DNMBP: variants seen among roughly 807,000 people sequenced by gnomAD.
DNMBP encodes the protein dynamin binding protein.
Under a neutral mutation model 150.0 loss-of-function variants are expected in DNMBP, and 87 were observed. The ratio of observed to expected loss-of-function variants is 0.58; its 90% CI spans 0.49 to 0.69. The LOEUF is 0.69. Among genes scored for constraint, DNMBP ranks in the 30% least tolerant of loss-of-function variants. The probability of loss-of-function intolerance (pLI) is 0.00; values close to 1 mark genes in which losing one functional copy is unlikely to be tolerated. For synonymous variants in DNMBP, 711 were observed against 750.4 expected (o/e 0.95, Z 0.86); for missense variants, 1,774 against 1,949.0 (o/e 0.91, Z 1.69).
intron 1 of DNMBP, among the ~76,000 whole-genome samples, chr10:100,004,010 T>C (rs1225247358): frequency 1.3e-5 from 2 of 151,866 alleles, no homozygotes; most frequent in South Asian, 2.1e-4. Context: ...GGCAGGAAGA[T>C]TGCTGGAGCC....
rs145219520 is a variant in DNMBP at position 99,902,506 on chromosome 10, C to T, written c.2555-2440G>A. ...TGTATTTTTAGTAGAGACAGGGTTA[C>T]ACCATGTTGGCCAGGATGGTCTCAA... On this transcript the variant is annotated intron_variant, in intron 6 of 16. Coordinates refer to ENST00000324109, the MANE Select transcript of DNMBP (RefSeq NM_015221.4). 4.3e-3 allele frequency among the ~76,000 whole-genome samples: 647 copies of T among 149,702 alleles called. 7 individuals are homozygous for T. Among genetic ancestry groups the T allele is most frequent in the African/African-American group, 0.015 (609 of 40,838 alleles).
At chr10:99,939,092 G>C (rs2040266193) in intron 4 of DNMBP, among the ~76,000 whole-genome samples, 1 of 151,518 alleles carries the variant, frequency 6.6e-6, no homozygotes, top group South Asian at 2.1e-4. Flanking sequence ...GTAGAAGAAG[G>C]GTAAAGGAAA....
At chr10:99,890,524 G>A (rs2039539798) in intron 11 of DNMBP, among the ~76,000 whole-genome samples, 1 of 152,192 alleles carries the variant, frequency 6.6e-6, no homozygotes, top group Non-Finnish European at 1.5e-5. Flanking sequence ...CAGGTATATA[G>A]TGTCACACTT....
chr10:99,938,121 T>C (rs191676450), intron 4 of DNMBP, among the ~76,000 whole-genome samples: 3 of 152,348 alleles, frequency 2.0e-5, no homozygotes, highest in East Asian at 1.9e-4. Flanking sequence ...TTCTCTGTTA[T>C]GGAAAACAAA....
chr10:99,917,283 G>A lies in DNMBP; in HGVS notation c.2261-8137C>T, dbSNP rs563475595. On this transcript the variant is annotated intron_variant, in intron 4 of 16. Coordinates refer to ENST00000324109, the MANE Select transcript of DNMBP (RefSeq NM_015221.4). ...GAGACAGGAGAATCACCTGAACCTG[G>A]GAGATGGAGGTTGCAGTGAGCTGAG... Among the ~76,000 whole-genome samples, 427 of 152,186 alleles carry A rather than the reference G, an allele frequency of 2.8e-3. 4 individuals are homozygous for A. Among genetic ancestry groups the A allele is most frequent in the South Asian group, 0.015 (71 of 4,810 alleles).
rs1430872019 is a variant in DNMBP, at chr10:100,008,513, C to T, written c.-11+1325G>A. ...ATCTGCAATTTGAAAAGTCACTTTTCACTTATTTTAGCCCAACCCTGATAA... is the reference window on the plus strand; with the variant it reads ...ATCTGCAATTTGAAAAGTCACTTTTTACTTATTTTAGCCCAACCCTGATAA... On this transcript the variant is annotated intron_variant, in intron 1 of 16. Transcript: ENST00000324109. 2.0e-5 allele frequency among the ~76,000 whole-genome samples: 3 copies of T among 152,322 alleles called. No homozygotes were observed. In the East Asian group the frequency reaches 5.8e-4, roughly 29 times the overall value.
Position 99,876,542 on chromosome 10 carries a change from G to A in DNMBP, c.*609C>T, listed in dbSNP as rs970922965. 1 of 152,216 alleles carries A rather than the reference G, an allele frequency of 6.6e-6. No homozygotes were observed. Among genetic ancestry groups the A allele is most frequent in the African/African-American group, 2.4e-5 (1 of 41,456 alleles). 9.4% of individuals were successfully genotyped at this position (152,216 alleles called of 1,614,324 possible). On this transcript the variant is annotated 3_prime_UTR_variant, in exon 17 of 17. Transcript: ENST00000324109. Reference sequence around the variant, plus strand: ...TAACTAATCTGGGAATGGAGTAAAAGAAACAAGGTTACAGAATGTAGTGCT... The same window carrying A: ...TAACTAATCTGGGAATGGAGTAAAAAAAACAAGGTTACAGAATGTAGTGCT...
intron 4 of DNMBP, among the ~76,000 whole-genome samples, chr10:99,952,932 T>C (rs1448248945): frequency 6.6e-6 from 1 of 152,166 alleles, no homozygotes; most frequent in Non-Finnish European, 1.5e-5. Flanking sequence ...CTAGACCCCC[T>C]GGGTTGCTTT....
chr10:99,926,070 C>A (rs1459837395), intron 4 of DNMBP, among the ~76,000 whole-genome samples: 9 of 152,168 alleles, frequency 5.9e-5, no homozygotes, highest in Admixed American at 5.9e-4. Context: ...AAGAGCTCTT[C>A]ATTTAGATAT....
At chr10:99,930,001 T>C (rs2040130336) in intron 4 of DNMBP, 6 of 702,882 alleles carry the variant, frequency 8.5e-6, no homozygotes, top group Non-Finnish European at 1.3e-5. Flanking sequence ...TGATCCATAA[T>C]ATGAGTCTTT....
chr10:99,899,000 C>G (rs1371523789), intron 7 of DNMBP, among the ~76,000 whole-genome samples: 9 of 149,620 alleles, frequency 6.0e-5, no homozygotes, highest in Non-Finnish European at 1.5e-5. Context: ...CAAGACCTGC[C>G]TGGCCAACCT....
chr10:99,974,584 A>G (rs1302368769), intron 1 of DNMBP, among the ~76,000 whole-genome samples: 2 of 150,400 alleles, frequency 1.3e-5, no homozygotes, highest in Admixed American at 1.3e-4. Flanking sequence ...TGCAGCCTTG[A>G]ACTCCTGGGC....
At chr10:99,946,446 A>G in intron 4 of DNMBP, among the ~76,000 whole-genome samples, 1 of 152,242 alleles carries the variant, frequency 6.6e-6, no homozygotes. Context: ...CAGAAAATCC[A>G]GAAATAGAGC....
At chr10:99,982,977 T>A (rs1385059729) in intron 1 of DNMBP, among the ~76,000 whole-genome samples, 1 of 151,124 alleles carries the variant, frequency 6.6e-6, no homozygotes, top group African/African-American at 2.4e-5. Context: ...AAAAAAAAAA[T>A]TCAAATTCTG....
chr10:99,951,481 G>A (rs571406926), intron 4 of DNMBP, among the ~76,000 whole-genome samples: 10 of 152,334 alleles, frequency 6.6e-5, no homozygotes, highest in East Asian at 3.9e-4. Context: ...ACATCAGCCC[G>A]TGAAAGCAGC....
intron 11 of DNMBP, among the ~76,000 whole-genome samples, chr10:99,892,613 A>C (rs1018295397): frequency 1.5e-5 from 2 of 135,602 alleles, no homozygotes; most frequent in South Asian, 2.7e-4. Context: ...CAGGGACACA[A>C]ACACTGCGGA....
At chr10:99,925,301 C>T (rs959908980) in intron 4 of DNMBP, among the ~76,000 whole-genome samples, 1 of 152,142 alleles carries the variant, frequency 6.6e-6, no homozygotes, top group African/African-American at 2.4e-5. Flanking sequence ...AATCCTTGAC[C>T]CAGTTACCTT....
intron 1 of DNMBP, among the ~76,000 whole-genome samples, chr10:99,975,195 T>TA (rs745715060): frequency 2.0e-5 from 3 of 152,116 alleles, no homozygotes; most frequent in African/African-American, 4.8e-5. Flanking sequence ...ACCCCGTCTC[T>TA]ATTAAAATTA....
chr10:99,981,626 C>CA (rs2040780851), intron 1 of DNMBP, among the ~76,000 whole-genome samples: 1 of 152,190 alleles, frequency 6.6e-6, no homozygotes, highest in Admixed American at 6.5e-5. Flanking sequence ...CCTTTGGAAT[C>CA]AAAGTCTGAA....
Sources: gnomAD v4.1 joint callset for allele counts (sites outside exome capture counted in the v4.1 genomes callset) on GRCh38, gnomAD v4.1.1 for gene constraint, MANE v1.5 for transcripts, NCBI Gene and HGNC (gene_info 2026-07-23, HGNC 2026-07-21) for gene names.